The following METTL6 variants were observed in gnomAD, a reference collection of about 807,000 sequenced individuals.
METTL6 encodes tRNA N(3)-cytidine methyltransferase METTL6.
Under a neutral mutation model 26.4 loss-of-function variants are expected in METTL6, and 22 were observed. That is an observed-to-expected ratio of 0.83 (90% confidence interval 0.59 to 1.19). The LOEUF (loss-of-function observed/expected upper bound fraction) is 1.19, where lower values mean the gene tolerates loss of function less well. Among genes scored for constraint, METTL6 ranks in the 50% most tolerant of loss-of-function variants. METTL6 has a pLI of 0.00. For synonymous variants in METTL6, 109 were observed against 116.2 expected, an observed-to-expected ratio of 0.94 and a Z score of 0.40; for missense variants, 304 against 324.8, an observed-to-expected ratio of 0.94 and a Z score of 0.49.
chr3:15,394,165 C>G (rs1313594691), intron 6 of METTL6, among the ~76,000 whole-genome samples: 2 of 152,198 alleles, frequency 1.3e-5, no homozygotes, highest in Non-Finnish European at 2.9e-5. Flanking sequence ...ATTATTGCCT[C>G]AATTTCAGAT....
At chr3:15,387,779 A>G (rs1438468106) in intron 6 of METTL6, among the ~76,000 whole-genome samples, 1 of 152,098 alleles carries the variant, frequency 6.6e-6, no homozygotes, top group Non-Finnish European at 1.5e-5. Context: ...ATCAGGGAAC[A>G]GAGATTAGCT....
At chr3:15,413,182 T>C (rs1353665603) in intron 5 of METTL6, among the ~76,000 whole-genome samples, 1 of 151,994 alleles carries the variant, frequency 6.6e-6, no homozygotes, top group African/African-American at 2.4e-5. Flanking sequence ...GTGGTGGGGG[T>C]TGCAGTGAGC....
intron 6 of METTL6, among the ~76,000 whole-genome samples, chr3:15,398,594 T>G (rs1002162022): frequency 6.6e-6 from 1 of 151,990 alleles, no homozygotes; most frequent in Non-Finnish European, 1.5e-5. Context: ...ACACCTGTAA[T>G]CCCAACACTT....
chr3:15,408,853 T>C (rs983141367), downstream of METTL6, among the ~76,000 whole-genome samples: 3 of 152,088 alleles, frequency 2.0e-5, no homozygotes, highest in Non-Finnish European at 4.4e-5. Context: ...CCAAGAAACA[T>C]TGGTCAGACC....
At chr3:15,397,397 C>T (rs572556818) in intron 6 of METTL6, among the ~76,000 whole-genome samples, 4 of 152,268 alleles carry the variant, frequency 2.6e-5, no homozygotes, top group African/African-American at 9.6e-5. Context: ...CTTTCCTTGG[C>T]TAGGAAAGGG....
intron 4 of METTL6, chr3:15,414,791 T>C (rs757983804): frequency 6.6e-6 from 3 of 453,150 alleles, no homozygotes; most frequent in South Asian, 4.7e-5. Context: ...GATCTGGTAG[T>C]GCGTCCTGTA....
intron 6 of METTL6, among the ~76,000 whole-genome samples, chr3:15,392,056 TC>T (rs1206476514): frequency 2.0e-5 from 3 of 152,148 alleles, no homozygotes; most frequent in African/African-American, 7.2e-5. Flanking sequence ...TAGTTCTAGA[TC>T]TCTGAGGAAT....
intron 6 of METTL6, among the ~76,000 whole-genome samples, chr3:15,400,475 A>G (rs1699610905): frequency 6.6e-6 from 1 of 152,228 alleles, no homozygotes; most frequent in Non-Finnish European, 1.5e-5. Context: ...CAGAGGGTGA[A>G]CGAAAAGTTC....
At chr3:15,423,495 G>A (rs887601960) in intron 3 of METTL6, among the ~76,000 whole-genome samples, 1 of 152,234 alleles carries the variant, frequency 6.6e-6, no homozygotes, top group African/African-American at 2.4e-5. Context: ...CACTCTGGGA[G>A]TCTGAGGAGG....
At chr3:15,402,576 A>C (rs1699676269) in intron 6 of METTL6, among the ~76,000 whole-genome samples, 1 of 152,018 alleles carries the variant, frequency 6.6e-6, no homozygotes, top group Non-Finnish European at 1.5e-5. Flanking sequence ...TCCACTAAAA[A>C]TACAAAAATT....
At chr3:15,393,760 G>A (rs925912225) in intron 6 of METTL6, among the ~76,000 whole-genome samples, 83 of 152,198 alleles carry the variant, frequency 5.5e-4, no homozygotes, top group African/African-American at 1.9e-3. Flanking sequence ...ATAATCATGT[G>A]GTTTTTGTCA....
intron 6 of METTL6, among the ~76,000 whole-genome samples, chr3:15,401,045 CTTTT>C (rs369602192): frequency 1.4e-5 from 2 of 144,872 alleles, no homozygotes; most frequent in East Asian, 4.0e-4. Flanking sequence ...GTATTTTCTT[CTTTT>C]TTTTTTTTGA....
At chr3:15,415,696 C>CA in intron 4 of METTL6, 76 bp downstream of exon 4, 2 of 1,594,826 alleles carry the variant, frequency 1.3e-6, no homozygotes, top group Non-Finnish European at 1.7e-6. Flanking sequence ...CTAGACAGTA[C>CA]ATGAGCCTCA....
intron 3 of METTL6, 136 bp downstream of exon 3, chr3:15,424,819 G>A: frequency 1.8e-6 from 2 of 1,120,692 alleles, no homozygotes; most frequent in Non-Finnish European, 2.6e-6. Context: ...ATGTAAGCAG[G>A]ACAACTACAT....
At chr3:15,401,191 C>G (rs906956289) in intron 6 of METTL6, among the ~76,000 whole-genome samples, 2 of 152,112 alleles carry the variant, frequency 1.3e-5, no homozygotes, top group Non-Finnish European at 2.9e-5. Context: ...AGGCGCCCAC[C>G]ACCACGCCTG....
In METTL6 at chr3:15,415,949, G is replaced by C; in HGVS notation, c.361-7C>G. The C allele has an allele frequency of 6.3e-7, 1 of 1,597,234 alleles. No individual in the cohort carries two copies. The highest frequency in any genetic ancestry group is 8.5e-7 in the Non-Finnish European group (1 of 1,172,452). ...TATCATATAAAGGATTTTGCTACAG[G>C]GGGAAGAAATACAAATGAATTTTAA... On this transcript the variant is annotated splice_polypyrimidine_tract_variant and splice_region_variant and intron_variant, in intron 3 of 5. Coordinates refer to ENST00000383790, the MANE Select transcript of METTL6 (RefSeq NM_152396.4).
chr3:15,391,909 T>G (rs1330636190), intron 6 of METTL6, among the ~76,000 whole-genome samples: 1 of 152,208 alleles, frequency 6.6e-6, no homozygotes. Flanking sequence ...TGTTGGACAT[T>G]TGGGTTGGTT....
At chr3:15,414,820 G>T in intron 4 of METTL6, 1 of 474,178 alleles carries the variant, frequency 2.1e-6, no homozygotes. Context: ...TACTTCAGAG[G>T]CTGAGGTGGG....
chr3:15,414,888 C>T, intron 4 of METTL6: 1 of 1,001,046 alleles, frequency 1.0e-6, no homozygotes, highest in Non-Finnish European at 1.3e-6. Flanking sequence ...TGCCACTGCA[C>T]TCCAGCCTGA....
Sources: allele counts gnomAD v4.1 joint callset (sites outside exome capture counted in the v4.1 genomes callset), GRCh38; gene constraint gnomAD v4.1.1; transcripts MANE v1.5; gene names NCBI Gene and HGNC (gene_info 2026-07-23, HGNC 2026-07-21).